The following SPTLC1 variants were observed in gnomAD, a reference collection of about 807,000 sequenced individuals.
The protein encoded by SPTLC1 is serine palmitoyltransferase 1.
Under a neutral mutation model 68.9 loss-of-function variants are expected in SPTLC1, and 55 were observed. That is an observed-to-expected ratio of 0.80 (90% CI 0.64 to 1.00). The LOEUF is 1.00. Ranked by LOEUF, SPTLC1 falls within the 50% of genes least tolerant of loss-of-function variation. The pLI is 0.00. For synonymous variants in SPTLC1, 197 were observed against 201.6 expected (o/e 0.98, Z 0.19); for missense variants, 449 against 573.1 (o/e 0.78, Z 2.21).
At chr9:92,076,229 T>C (rs1425096503) in intron 5 of SPTLC1, among the ~76,000 whole-genome samples, 7 of 152,176 alleles carry the variant, frequency 4.6e-5, no homozygotes, top group African/African-American at 1.7e-4. Context: ...GGATCCTCTA[T>C]TATCAATGCC....
At chr9:92,037,614 C>T (rs1197160043) in intron 13 of SPTLC1, among the ~76,000 whole-genome samples, 1 of 152,206 alleles carries the variant, frequency 6.6e-6, no homozygotes, top group Non-Finnish European at 1.5e-5. Flanking sequence ...GGGCAGGAAG[C>T]ACTCTGGAGG....
chr9:92,085,203 C>G (rs1435851318), intron 3 of SPTLC1, among the ~76,000 whole-genome samples: 1 of 150,606 alleles, frequency 6.6e-6, no homozygotes. Flanking sequence ...CTCCTGGATT[C>G]ATTAATTTTT....
chr9:92,101,517 G>T (rs981216886), intron 3 of SPTLC1, among the ~76,000 whole-genome samples: 1 of 134,922 alleles, frequency 7.4e-6, no homozygotes, highest in African/African-American at 2.9e-5. Context: ...AGCCGAGATC[G>T]TGCCACTGCA....
At chr9:92,086,914 C>T (rs1281509502) in intron 3 of SPTLC1, among the ~76,000 whole-genome samples, 1 of 152,184 alleles carries the variant, frequency 6.6e-6, no homozygotes, top group African/African-American at 2.4e-5. Context: ...TCACATAGTC[C>T]CATATTTCTT....
At chr9:92,079,241 A>G (rs1234177519) in intron 5 of SPTLC1, 3 of 496,450 alleles carry the variant, frequency 6.0e-6, no homozygotes, top group Non-Finnish European at 9.3e-6. Context: ...ACGCCCAGCT[A>G]ATTTTTGTAT....
chr9:92,031,932 C>A lies in SPTLC1; in HGVS notation c.*533G>T. 2 of 214,348 alleles carry A rather than the reference C, an allele frequency of 9.3e-6. No individual in the cohort carries two copies. The highest frequency in any genetic ancestry group is 1.3e-4 in the South Asian group (1 of 7,532). 13.3% of individuals were successfully genotyped at this position (214,348 alleles called of 1,614,324 possible). ...TTATAATAATCACACAAAAAGTGTTCCTTTTAGCCACCATTTAGCTTCACA... is the reference window on the plus strand; with the variant it reads ...TTATAATAATCACACAAAAAGTGTTACTTTTAGCCACCATTTAGCTTCACA... On this transcript the variant is annotated 3_prime_UTR_variant, in exon 15 of 15. Coordinates refer to ENST00000262554, the MANE Select transcript of SPTLC1 (RefSeq NM_006415.4).
chr9:92,111,449 G>A (rs1306638659), intron 2 of SPTLC1: 1 of 152,148 alleles, frequency 6.6e-6, no homozygotes, highest in East Asian at 1.9e-4. Flanking sequence ...TGACTAGCAT[G>A]TATTATGGCT....
At chr9:92,092,618 C>T (rs929626707) in intron 3 of SPTLC1, among the ~76,000 whole-genome samples, 1 of 152,032 alleles carries the variant, frequency 6.6e-6, no homozygotes, top group African/African-American at 2.4e-5. Flanking sequence ...ACCTGTAGTT[C>T]CAGCTACTGG....
intron 12 of SPTLC1, among the ~76,000 whole-genome samples, chr9:92,044,417 G>T (rs897330586): frequency 6.6e-6 from 1 of 152,092 alleles, no homozygotes; most frequent in Non-Finnish European, 1.5e-5. Flanking sequence ...AAGAAGATGA[G>T]CTCTGAAGAT....
At chr9:92,100,678 T>TG (rs1835713298) in intron 3 of SPTLC1, among the ~76,000 whole-genome samples, 1 of 152,034 alleles carries the variant, frequency 6.6e-6, no homozygotes, top group African/African-American at 2.4e-5. Context: ...CCAACCCCTG[T>TG]GACTCAGTAA....
chr9:92,096,358 T>C (rs959640075), intron 3 of SPTLC1, among the ~76,000 whole-genome samples: 9 of 152,330 alleles, frequency 5.9e-5, no homozygotes, highest in African/African-American at 2.2e-4. Flanking sequence ...TTGATTGTGG[T>C]CATTATTTCA....
intron 3 of SPTLC1, among the ~76,000 whole-genome samples, chr9:92,090,566 G>A (rs1027099705): frequency 6.6e-6 from 1 of 151,642 alleles, no homozygotes; most frequent in Non-Finnish European, 1.5e-5. Context: ...GAGCTGAGAC[G>A]GTGCCACTGC....
chr9:92,083,686 C>A (rs1391646298), intron 3 of SPTLC1, among the ~76,000 whole-genome samples: 2 of 152,062 alleles, frequency 1.3e-5, no homozygotes, highest in East Asian at 1.9e-4. Context: ...ATGCCTCCAG[C>A]TTTGTTCTTT....
At chr9:92,112,397 A>C (rs1836280239) in intron 2 of SPTLC1, 58 bp downstream of exon 2, 2 of 1,227,216 alleles carry the variant, frequency 1.6e-6, no homozygotes, top group Non-Finnish European at 2.4e-6. Context: ...CCTTTCTGGA[A>C]AGACATAGCA....
At chr9:92,079,659 C>G (rs1197532253) in intron 5 of SPTLC1, 30 of 1,163,066 alleles carry the variant, frequency 2.6e-5, no homozygotes, top group East Asian at 2.6e-4. Context: ...TTCTCAGCCC[C>G]CTGCGTGGCT....
chr9:92,035,241 A>T (rs914720594), intron 13 of SPTLC1, among the ~76,000 whole-genome samples: 8 of 152,262 alleles, frequency 5.3e-5, no homozygotes, highest in African/African-American at 1.9e-4. Context: ...TAGACAAAGC[A>T]GAGTTAGCAC....
chr9:92,071,687 C>T (rs370173226), intron 5 of SPTLC1, among the ~76,000 whole-genome samples: 3 of 152,280 alleles, frequency 2.0e-5, no homozygotes, highest in East Asian at 1.9e-4. Flanking sequence ...GACCAAGCTG[C>T]GCCATGGTCA....
At chr9:92,054,287 A>G (rs1400835247) in intron 8 of SPTLC1, among the ~76,000 whole-genome samples, 1 of 152,212 alleles carries the variant, frequency 6.6e-6, no homozygotes, top group Non-Finnish European at 1.5e-5. Flanking sequence ...ATCTCAAACA[A>G]AAAACAAAAC....
intron 9 of SPTLC1, among the ~76,000 whole-genome samples, 162 bp from the exon 10 acceptor site, chr9:92,047,870 C>A (rs377744161): frequency 6.6e-6 from 1 of 152,182 alleles, no homozygotes; most frequent in African/African-American, 2.4e-5. Flanking sequence ...TAACATCTAT[C>A]GCTGAATGAA....
Sources: gnomAD v4.1 joint callset for allele counts (sites outside exome capture counted in the v4.1 genomes callset) on GRCh38, gnomAD v4.1.1 for gene constraint, MANE v1.5 for transcripts, NCBI Gene and HGNC (gene_info 2026-07-23, HGNC 2026-07-21) for gene names.